The following CCDC77 variants were observed in gnomAD, a reference collection of about 807,000 sequenced individuals.
CCDC77 encodes the protein coiled-coil domain containing 77, also known as coiled-coil domain-containing protein 77.
In CCDC77, 56 loss-of-function variants were observed where a neutral mutation model predicts 66.8. The ratio of observed to expected loss-of-function variants is 0.84; its 90% CI spans 0.68 to 1.05. The LOEUF (loss-of-function observed/expected upper bound fraction) is 1.05, where lower values mean the gene tolerates loss of function less well. Ranked by LOEUF, CCDC77 falls within the 50% of genes least tolerant of loss-of-function variation. CCDC77 has a pLI of 0.00. For missense variants in CCDC77, 570 were observed against 576.8 expected, an observed-to-expected ratio of 0.99 and a Z score of 0.12; for synonymous variants, 196 against 195.2, an observed-to-expected ratio of 1.00 and a Z score of -0.03.
intron 5 of CCDC77, among the ~76,000 whole-genome samples, chr12:427,611 A>G (rs542460494): frequency 6.6e-6 from 1 of 151,208 alleles, no homozygotes; most frequent in East Asian, 2.0e-4. Flanking sequence ...AGTAGCTGGG[A>G]TTACAGGTGC....
At chr12:428,905 C>A in intron 6 of CCDC77, 40 bp downstream of exon 6, 1 of 1,307,664 alleles carries the variant, frequency 7.6e-7, no homozygotes, top group Non-Finnish European at 1.1e-6. Context: ...TGTGGCTTTA[C>A]AAGTCACAGG....
upstream of CCDC77, chr12:401,594 C>G (rs1944895686): frequency 2.0e-5 from 3 of 152,284 alleles, no homozygotes; most frequent in Admixed American, 2.0e-4. Context: ...CGCGATTGCA[C>G]GGATTCAGGG....
rs760758890 is a variant in CCDC77, at chr12:440,893, A to G, written c.1217A>G (p.Tyr406Cys). 4.3e-6 allele frequency: 7 copies of G among 1,613,768 alleles called. No homozygotes were observed. Among genetic ancestry groups the G allele is most frequent in the Admixed American group, 1.7e-5 (1 of 60,008 alleles). The change falls in exon 12 of 13, where the codon TAT (tyrosine) becomes TGT (cysteine). Residue 406 changes from tyrosine to cysteine, a missense_variant. Physicochemically the swap from Tyr to Cys is radical, Grantham distance 194 (BLOSUM62 -2). Transcript: ENST00000239830. ...GKRLQIMTKR[Y>C]EALERRRILE... ...CGTTTACAGATAATGACAAAACGCT[A>G]TGAGGCATTGGAGCGTCGACGTATC...
chr12:431,212 C>CTTTTTTTTTTTTTTTT (rs61068771), intron 7 of CCDC77, among the ~76,000 whole-genome samples: 1 of 115,778 alleles, frequency 8.6e-6, no homozygotes, highest in Non-Finnish European at 1.9e-5. Context: ...TTGCTCAGTT[C>CTTTTTTTTTTTTTTTT]TTTTTTTTTT....
chr12:394,094 AT>A (rs759226006), intron 1 of CCDC77, among the ~76,000 whole-genome samples: 21 of 152,182 alleles, frequency 1.4e-4, no homozygotes, highest in Admixed American at 1.3e-4. Context: ...TTGCCAACAA[AT>A]ACCATTAGTT....
intron 5 of CCDC77, among the ~76,000 whole-genome samples, chr12:427,631 C>T (rs1234295987): frequency 4.6e-5 from 7 of 151,832 alleles, no homozygotes; most frequent in Admixed American, 6.6e-5. Flanking sequence ...CACGCCACCA[C>T]GCCCAGATAA....
intron 2 of CCDC77, among the ~76,000 whole-genome samples, chr12:407,970 G>A (rs764562103): frequency 5.9e-5 from 9 of 151,836 alleles, no homozygotes; most frequent in Non-Finnish European, 1.3e-4. Flanking sequence ...TGCATTTTTA[G>A]TAGAGATGGG....
At chr12:433,457 C>A in intron 9 of CCDC77, 135 bp downstream of exon 9, 2 of 1,449,892 alleles carry the variant, frequency 1.4e-6, no homozygotes, top group Non-Finnish European at 1.8e-6. Context: ...CCTCAGAAAC[C>A]CCCGCCTCTA....
intron 5 of CCDC77, among the ~76,000 whole-genome samples, chr12:426,255 T>C (rs1232451476): frequency 6.6e-6 from 1 of 152,212 alleles, no homozygotes; most frequent in South Asian, 2.1e-4. Flanking sequence ...TGTCACATGA[T>C]GTGAACTGCC....
rs76835879 is a variant in CCDC77 at position 407,283 on chromosome 12, G to A, written c.-17+1719G>A. ...TGTGTGGCATGTAAGACAAAGAGAG[G>A]AGTAAAATTTCTTAAACCAAGTTTG... On this transcript the variant is annotated intron_variant, in intron 2 of 12. Coordinates refer to ENST00000239830, the MANE Select transcript of CCDC77 (RefSeq NM_032358.4). Among the ~76,000 whole-genome samples, 1,066 of 152,308 alleles carry A rather than the reference G, an allele frequency of 7.0e-3. 24 individuals carry two copies. The highest frequency in any genetic ancestry group is 0.045 in the East Asian group (232 of 5,184).
intron 1 of CCDC77, among the ~76,000 whole-genome samples, chr12:404,144 C>CTGT (rs1321220088): frequency 6.6e-6 from 1 of 152,176 alleles, no homozygotes; most frequent in Admixed American, 6.5e-5. Flanking sequence ...TGGCGAAACC[C>CTGT]TGTCTTTACT....
intron 5 of CCDC77, among the ~76,000 whole-genome samples, chr12:425,130 C>T (rs1945503097): frequency 6.6e-6 from 1 of 151,250 alleles, no homozygotes; most frequent in Admixed American, 6.6e-5. Context: ...AGGGTTTTTC[C>T]ATATTGCCCA....
intron 10 of CCDC77, among the ~76,000 whole-genome samples, chr12:440,104 T>C (rs1945832109): frequency 6.6e-6 from 1 of 152,222 alleles, no homozygotes; most frequent in African/African-American, 2.4e-5. Context: ...AAGCCAGCAT[T>C]GGCAGCAGCC....
At chr12:408,492 T>C (rs752102598) in intron 2 of CCDC77, among the ~76,000 whole-genome samples, 5 of 152,148 alleles carry the variant, frequency 3.3e-5, no homozygotes, top group South Asian at 4.1e-4. Context: ...AAATTTGATA[T>C]AGTGGGTACT....
Position 418,510 on chromosome 12 carries a change from A to C in CCDC77, c.287A>C (p.Asp96Ala). The C allele has an allele frequency of 1.2e-6, 2 of 1,614,066 alleles. No individual in the cohort carries two copies. Among genetic ancestry groups the C allele is most frequent in the Non-Finnish European group, 1.7e-6 (2 of 1,180,000 alleles). ...TTTTTGCAGCATAAACTTGAATGTG[A>C]TTTGCAGCAGAGGGAGGAAGAGATT... The part of the protein sequence containing the change: ...ACEGQHKLEC[D>A]LQQREEEIAE... The change falls in exon 5 of 13, where the codon GAT becomes GCT. Residue 96 changes from aspartate to alanine, a missense_variant. Transcript: ENST00000239830.
chr12:396,951 G>A (rs530213323), upstream of CCDC77, among the ~76,000 whole-genome samples: 47 of 152,314 alleles, frequency 3.1e-4, no homozygotes, highest in African/African-American at 1.1e-3. Context: ...CTGTCACCCA[G>A]GCTGGAGTGC....
intron 1 of CCDC77, among the ~76,000 whole-genome samples, 164 bp downstream of exon 1, chr12:401,848 T>C (rs1944902603): frequency 6.6e-6 from 1 of 152,102 alleles, no homozygotes. Context: ...AAAGCTCCAA[T>C]GTGCAAAGGG....
chr12:441,624 T>C (rs1945859188), intron 12 of CCDC77, 150 bp from the exon 13 acceptor site: 2 of 772,722 alleles, frequency 2.6e-6, no homozygotes, highest in Non-Finnish European at 4.0e-6. Context: ...TTTCCTTCTT[T>C]AGTTAGCCAC....
chr12:391,321 G>C (rs1431583357), intron 1 of CCDC77, among the ~76,000 whole-genome samples: 3 of 152,086 alleles, frequency 2.0e-5, no homozygotes, highest in Non-Finnish European at 4.4e-5. Flanking sequence ...CAGGCGTGGT[G>C]GCAGGCGCCT....
Sources: allele counts gnomAD v4.1 joint callset (sites outside exome capture counted in the v4.1 genomes callset), GRCh38; gene constraint gnomAD v4.1.1; transcripts MANE v1.5; gene names NCBI Gene and HGNC (gene_info 2026-07-23, HGNC 2026-07-21).